PUS10: variants seen among roughly 807,000 people sequenced by gnomAD.
PUS10 encodes the protein tRNA pseudouridine synthase Pus10.
PUS10 carries 59 observed loss-of-function variants against 75.0 expected under a neutral mutation model. The observed-to-expected ratio is 0.79, with a 90% CI of 0.64 to 0.98. The LOEUF (loss-of-function observed/expected upper bound fraction) is 0.98, where lower values mean the gene tolerates loss of function less well. Ranked by LOEUF, PUS10 falls within the 50% of genes least tolerant of loss-of-function variation. PUS10 has a pLI of 0.00. For missense variants in PUS10, 650 were observed against 614.4 expected, an observed-to-expected ratio of 1.06 and a Z score of -0.61; for synonymous variants, 219 against 211.6, an observed-to-expected ratio of 1.03 and a Z score of -0.30.
At chr2:61,004,393 G>A (rs1573509448) in intron 4 of PUS10, among the ~76,000 whole-genome samples, 1 of 152,156 alleles carries the variant, frequency 6.6e-6, no homozygotes, top group African/African-American at 2.4e-5. Context: ...GGGAGGCCAA[G>A]GCGGGCAGAT....
At chr2:60,975,119 C>T (rs1676951928) in intron 4 of PUS10, among the ~76,000 whole-genome samples, 1 of 152,118 alleles carries the variant, frequency 6.6e-6, no homozygotes, top group African/African-American at 2.4e-5. Context: ...AGCCTTATTT[C>T]AAAATGCATG....
At chr2:60,965,706 A>G (rs1318018597) in intron 6 of PUS10, 3 of 354,228 alleles carry the variant, frequency 8.5e-6, no homozygotes, top group Non-Finnish European at 1.5e-5. Flanking sequence ...TAGTGATCCT[A>G]CCAAAAAAGT....
chr2:60,965,067 T>C lies in PUS10; in HGVS notation c.714A>G (p.Lys238=), dbSNP rs149211631. The C allele has an allele frequency of 1.2e-6, 2 of 1,613,872 alleles. No individual in the cohort carries two copies. The highest frequency in any genetic ancestry group is 2.2e-5 in the East Asian group (1 of 44,866). ...GGGAACCTTTCCTTACCTGTTTGTT[T>C]TTGGCTGGCTTAAAACAATCTGGGC... ...AICPDCFKPA[K]NKQSVFTRMA... The change falls in exon 8 of 18, where the codon AAA becomes AAG. Residue 238 remains lysine (K), a synonymous_variant. Transcript: ENST00000316752.
intron 4 of PUS10, among the ~76,000 whole-genome samples, chr2:60,997,387 G>A (rs1012495592): frequency 2.6e-5 from 4 of 152,090 alleles, no homozygotes; most frequent in African/African-American, 7.2e-5. Context: ...GAGGTGGGTG[G>A]ATCACGAGGT....
At position 60,954,031 on chromosome 2, in the gene PUS10, A is replaced by T. The variant is rs1436319823; in HGVS notation, c.1135-43T>A. ...GAAAAACAATTAGCAAGTCTAGCTC[A>T]GTTACAGAATTGCAGAAACATGACG... is the stretch of plus-strand genomic sequence containing the variant. On this transcript the variant is annotated intron_variant, in intron 13 of 17. Transcript: ENST00000316752. 1.9e-6 allele frequency: 3 copies of T among 1,607,304 alleles called. No individual in the cohort carries two copies. The African/African-American group carries it at 4.0e-5, about 21-fold the overall frequency.
At position 60,953,073 on chromosome 2, in the gene PUS10, G is replaced by A. The variant is rs1322438687; in HGVS notation, c.1232C>T (p.Thr411Ile). 2.5e-6 allele frequency: 4 copies of A among 1,608,528 alleles called. No individual in the cohort carries two copies. Among genetic ancestry groups the A allele is most frequent in the Non-Finnish European group, 8.5e-7 (1 of 1,175,094 alleles). The change falls in exon 15 of 18, where the codon ACA (threonine) becomes ATA (isoleucine). Residue 411 changes from threonine (T) to isoleucine (I), a missense_variant. Coordinates refer to ENST00000316752, the MANE Select transcript of PUS10 (RefSeq NM_144709.4). The part of the protein sequence containing the change: ...GHMKEGEEEK[T>I]KTYSALIWTN... The stretch of plus-strand genomic sequence containing the variant: ...CCAAATTAAGGCACTGTAGGTCTTT[G>A]TCTTTTCTTCTTCACCTTCTTTCAT...
intron 4 of PUS10, among the ~76,000 whole-genome samples, chr2:60,972,402 G>A (rs1422151714): frequency 1.3e-5 from 2 of 151,680 alleles, no homozygotes; most frequent in African/African-American, 4.8e-5. Context: ...CCCGGGAGGC[G>A]GAGCTTGCAG....
intron 8 of PUS10, among the ~76,000 whole-genome samples, chr2:60,964,023 T>A (rs1429924443): frequency 6.6e-6 from 1 of 152,212 alleles, no homozygotes; most frequent in Non-Finnish European, 1.5e-5. Flanking sequence ...TGTGCCAAGA[T>A]GTTGATCTCT....
In PUS10 at chr2:61,011,746, A is replaced by G. The variant is rs1053260555; in HGVS notation, c.126+19T>C. The G allele has an allele frequency of 8.6e-6, 13 of 1,503,310 alleles. No individual in the cohort carries two copies. Among genetic ancestry groups the G allele is most frequent in the Admixed American group, 2.6e-5 (1 of 38,280 alleles). 93.1% of individuals were successfully genotyped at this position (1,503,310 alleles called of 1,614,324 possible). ...ACCTTCTCTTAATTTGAAAAAAAAA[A>G]AAAAAGAAAAGAAAATACCTTGTAT... On this transcript the variant is annotated intron_variant, in intron 2 of 17. Transcript: ENST00000316752.
intron 4 of PUS10, among the ~76,000 whole-genome samples, chr2:60,974,895 C>A (rs543693727): frequency 5.2e-4 from 79 of 152,326 alleles, no homozygotes; most frequent in African/African-American, 1.7e-3. Flanking sequence ...GTGGACAGAA[C>A]GAGCCTAGCG....
intron 5 of PUS10, among the ~76,000 whole-genome samples, chr2:60,970,212 A>G (rs1048503334): frequency 3.3e-5 from 5 of 152,266 alleles, no homozygotes; most frequent in African/African-American, 1.2e-4. Flanking sequence ...ATCAAGTTTT[A>G]TTACACCAGA....
chr2:60,967,466 C>A (rs756291556), intron 6 of PUS10, 36 bp downstream of exon 6: 1 of 1,371,714 alleles, frequency 7.3e-7, no homozygotes, highest in South Asian at 1.3e-5. Context: ...CTAGTAAAAT[C>A]AGAGAATAAA....
At chr2:60,976,378 A>G (rs1268207745) in intron 4 of PUS10, among the ~76,000 whole-genome samples, 3 of 152,202 alleles carry the variant, frequency 2.0e-5, no homozygotes, top group African/African-American at 4.8e-5. Flanking sequence ...ATAGAGAGCT[A>G]TCTGTCTCTT....
Position 60,954,140 on chromosome 2 carries a change from T to C in PUS10, c.1076A>G (p.Glu359Gly), listed in dbSNP as rs1373403411. 1 of 1,614,118 alleles carries C rather than the reference T, an allele frequency of 6.2e-7. No individual in the cohort carries two copies. The highest frequency in any genetic ancestry group is 2.2e-5 in the East Asian group (1 of 44,884). The change falls in exon 13 of 18, where the codon GAG becomes GGG. Residue 359 changes from glutamate to glycine, a missense_variant. Glu to Gly is a moderately conservative substitution (Grantham distance 98, BLOSUM62 -2). Coordinates refer to ENST00000316752, the MANE Select transcript of PUS10 (RefSeq NM_144709.4). ...TLGNGRPFAI[E>G]LVNPHRVHFT... ...ATGTACTCTATGAGGATTCACCAGC[T>C]CAATTGCAAAGGGCCTTCCTGGCAG...
chr2:60,975,847 C>T (rs537216234), intron 4 of PUS10, among the ~76,000 whole-genome samples: 1 of 152,158 alleles, frequency 6.6e-6, no homozygotes, highest in South Asian at 2.1e-4. Context: ...CTGCACCCTC[C>T]TCCTCCCCGT....
chr2:60,992,445 T>C (rs946887276), intron 4 of PUS10, among the ~76,000 whole-genome samples: 1 of 152,220 alleles, frequency 6.6e-6, no homozygotes, highest in East Asian at 1.9e-4. Flanking sequence ...AGGTCATGAA[T>C]TTCTGTGATG....
intron 4 of PUS10, among the ~76,000 whole-genome samples, chr2:60,990,950 T>C (rs2104561717): frequency 6.6e-6 from 1 of 152,306 alleles, no homozygotes; most frequent in African/African-American, 2.4e-5. Flanking sequence ...CTTGTTATGC[T>C]GCCCAGGCTG....
At chr2:60,998,145 C>A (rs1678601053) in intron 4 of PUS10, among the ~76,000 whole-genome samples, 1 of 152,056 alleles carries the variant, frequency 6.6e-6, no homozygotes, top group African/African-American at 2.4e-5. Context: ...AAATATAGTC[C>A]TTTAGAAAAA....
intron 17 of PUS10, among the ~76,000 whole-genome samples, chr2:60,943,323 A>C (rs1674733815): frequency 6.6e-6 from 1 of 152,146 alleles, no homozygotes; most frequent in Non-Finnish European, 1.5e-5. Flanking sequence ...AATCCAGTTC[A>C]TCTATCTCTA....
Sources: gnomAD v4.1 joint callset for allele counts (sites outside exome capture counted in the v4.1 genomes callset) on GRCh38, gnomAD v4.1.1 for gene constraint, MANE v1.5 for transcripts, NCBI Gene and HGNC (gene_info 2026-07-23, HGNC 2026-07-21) for gene names.